Variants in PTPRQ observed in about 807,000 individuals in gnomAD.
PTPRQ encodes phosphatidylinositol phosphatase PTPRQ.
A neutral mutation model predicts 246.0 loss-of-function variants in PTPRQ; 199 were observed. The observed-to-expected ratio is 0.81, with a 90% CI of 0.72 to 0.91. The LOEUF is 0.91. Ranked by LOEUF, PTPRQ falls within the 40% of genes least tolerant of loss-of-function variation. The pLI is 0.00. For missense variants in PTPRQ, 2,624 were observed against 2,528.4 expected, an observed-to-expected ratio of 1.04 and a Z score of -0.81; for synonymous variants, 869 against 853.2, an observed-to-expected ratio of 1.02 and a Z score of -0.32.
chr12:80,590,679 A>C (rs994797982), intron 26 of PTPRQ, among the ~76,000 whole-genome samples: 10 of 151,512 alleles, frequency 6.6e-5, no homozygotes, highest in Admixed American at 2.6e-4. Context: ...AAAAAAAAAA[A>C]AAAAAAAAAA....
rs1360399556 is a variant in PTPRQ at position 80,494,990 on chromosome 12, T to G, written c.1598T>G (p.Ile533Ser). The G allele has an allele frequency of 6.5e-7, 1 of 1,550,386 alleles. No individual in the cohort carries two copies. Residue 533 changes from isoleucine to serine, a missense_variant, in exon 11 of 45, where the codon ATC (isoleucine) becomes AGC (serine). Ile to Ser is a moderately radical substitution (Grantham distance 142). Coordinates refer to ENST00000644991, the MANE Select transcript of PTPRQ (RefSeq NM_001145026.2). ...GCAGCTGAACAGCTGTCTTATGTTA[T>G]CAGGAGACTTGTACCTTTCACTGAG... is the stretch of plus-strand genomic sequence containing the variant. ...DIAAEQLSYV[I>S]RRLVPFTEHM... is the part of the protein sequence containing the mutation.
chr12:80,476,362 T>C (rs1011148858), intron 8 of PTPRQ, among the ~76,000 whole-genome samples: 1 of 152,078 alleles, frequency 6.6e-6, no homozygotes, highest in African/African-American at 2.4e-5. Flanking sequence ...ATACTAGAGG[T>C]GACCTGTGCA....
intron 25 of PTPRQ, among the ~76,000 whole-genome samples, chr12:80,558,676 G>T (rs369388058): frequency 1.3e-5 from 2 of 152,148 alleles, no homozygotes; most frequent in East Asian, 3.9e-4. Flanking sequence ...TATGGTAGTT[G>T]CATGTTAAGT....
At chr12:80,479,309 T>A (rs1469628994) in intron 8 of PTPRQ, among the ~76,000 whole-genome samples, 1 of 150,098 alleles carries the variant, frequency 6.7e-6, no homozygotes, top group African/African-American at 2.5e-5. Flanking sequence ...TAAAATACTT[T>A]ACAGACAAGC....
At chr12:80,596,802 C>A (rs1467355929) in intron 26 of PTPRQ, among the ~76,000 whole-genome samples, 1 of 151,804 alleles carries the variant, frequency 6.6e-6, no homozygotes, top group African/African-American at 2.4e-5. Flanking sequence ...TAGAAAAATC[C>A]TGGGATTACT....
rs1565715301 is a variant in PTPRQ, at chr12:80,455,197, A to G, written c.391-2378A>G. On this transcript the variant is annotated intron_variant, in intron 3 of 44. Coordinates refer to ENST00000644991, the MANE Select transcript of PTPRQ (RefSeq NM_001145026.2). ...AAACAAAACAAAACAAACAAACAAA[A>G]AAACAGATAGCTTTTGCTCTTTGCA... Among the ~76,000 whole-genome samples, 4 of 151,818 alleles carry G rather than the reference A, an allele frequency of 2.6e-5. No individual in the cohort carries two copies. The East Asian group carries it at 7.7e-4, about 29-fold the overall frequency.
chr12:80,488,396 TATTTACATTA>T (rs1438429364), intron 9 of PTPRQ, among the ~76,000 whole-genome samples: 3 of 152,068 alleles, frequency 2.0e-5, no homozygotes, highest in Admixed American at 2.0e-4. Context: ...TTAAGTATGT[TATTTACATTA>T]TGAAAGTAAC....
chr12:80,446,655 C>T (rs1018483347), intron 3 of PTPRQ, among the ~76,000 whole-genome samples: 3 of 151,868 alleles, frequency 2.0e-5, no homozygotes, highest in African/African-American at 7.2e-5. Flanking sequence ...CTCATAGCTC[C>T]CACTTGTAAG....
At chr12:80,539,058 A>T (rs151266466) in intron 19 of PTPRQ, among the ~76,000 whole-genome samples, 1,913 of 152,262 alleles carry the variant, frequency 0.013, 30 homozygotes, top group African/African-American at 0.041. Context: ...CTTTTATTTT[A>T]GAATTAATTT....
At chr12:80,678,465 ACT>A in intron 43 of PTPRQ, 135 bp from the exon 44 acceptor site, 1 of 1,114,960 alleles carries the variant, frequency 9.0e-7, no homozygotes, top group Non-Finnish European at 1.2e-6. Flanking sequence ...TCATATCTAT[ACT>A]ATGATAAATT....
At chr12:80,539,976 T>A in intron 20 of PTPRQ, 32 bp downstream of exon 20, 1 of 1,408,922 alleles carries the variant, frequency 7.1e-7, no homozygotes, top group Non-Finnish European at 9.3e-7. Flanking sequence ...ATCTTTAATA[T>A]GATTAATTTA....
At chr12:80,530,761 G>A (rs1398519316) in intron 17 of PTPRQ, among the ~76,000 whole-genome samples, 3 of 151,822 alleles carry the variant, frequency 2.0e-5, no homozygotes, top group Admixed American at 6.6e-5. Flanking sequence ...TTGTCAAAAT[G>A]GGTACTCTCA....
intron 3 of PTPRQ, among the ~76,000 whole-genome samples, chr12:80,452,640 G>A (rs1178489719): frequency 3.9e-5 from 6 of 152,108 alleles, no homozygotes; most frequent in Admixed American, 2.6e-4. Context: ...AGTTTGGCTG[G>A]ATATGAAATT....
At chr12:80,596,243 T>C (rs1217193435) in intron 26 of PTPRQ, among the ~76,000 whole-genome samples, 2 of 151,980 alleles carry the variant, frequency 1.3e-5, no homozygotes, top group Non-Finnish European at 2.9e-5. Flanking sequence ...CATTAAAGTA[T>C]CTAATAAAGT....
chr12:80,466,593 C>T (rs1383159455), intron 6 of PTPRQ, among the ~76,000 whole-genome samples: 2 of 152,224 alleles, frequency 1.3e-5, no homozygotes, highest in Non-Finnish European at 2.9e-5. Context: ...ATCACACTAC[C>T]TGACTTTAAA....
intron 8 of PTPRQ, among the ~76,000 whole-genome samples, chr12:80,477,834 C>T (rs980087493): frequency 2.0e-5 from 3 of 152,182 alleles, no homozygotes; most frequent in Non-Finnish European, 2.9e-5. Context: ...GCTTAAAAAA[C>T]GGCGCACCAC....
Position 80,495,386 on chromosome 12 carries a change from TTTGTTGTTG to T in PTPRQ, c.1882+27_1882+35del, listed in dbSNP as rs58537253. On this transcript the variant is annotated intron_variant, in intron 12 of 44. Coordinates refer to ENST00000644991, the MANE Select transcript of PTPRQ (RefSeq NM_001145026.2). The stretch of plus-strand genomic sequence containing the variant: ...TCTCATAACAGGTAGAAAACAATGT[TTTGTTGTTG>T]TTGTTGTTGTTCATTTTACATTTCT... The T allele has an allele frequency of 3.6e-6, 5 of 1,391,964 alleles. No homozygotes were observed. The African/African-American group carries it at 5.9e-5, about 16-fold the overall frequency. 86.2% of individuals were successfully genotyped at this position (1,391,964 alleles called of 1,614,324 possible).
At chr12:80,591,017 T>C (rs1897781135) in intron 26 of PTPRQ, among the ~76,000 whole-genome samples, 1 of 151,940 alleles carries the variant, frequency 6.6e-6, no homozygotes, top group Non-Finnish European at 1.5e-5. Flanking sequence ...AATCTAAAAA[T>C]AGTCATGCAG....
intron 7 of PTPRQ, among the ~76,000 whole-genome samples, chr12:80,471,667 C>T (rs1159465992): frequency 2.7e-5 from 4 of 147,170 alleles, no homozygotes; most frequent in Admixed American, 6.8e-5. Context: ...TTAGTAGAGA[C>T]GGGGTTTCAC....
Sources: gnomAD v4.1 joint callset for allele counts (sites outside exome capture counted in the v4.1 genomes callset) on GRCh38, gnomAD v4.1.1 for gene constraint, MANE v1.5 for transcripts, NCBI Gene and HGNC (gene_info 2026-07-23, HGNC 2026-07-21) for gene names.